The following SSH2 variants were observed in gnomAD, a reference collection of about 807,000 sequenced individuals.
SSH2 encodes the protein protein phosphatase Slingshot homolog 2.
SSH2 carries 37 observed loss-of-function variants against 135.2 expected under a neutral mutation model. The ratio of observed to expected loss-of-function variants is 0.27; its 90% CI spans 0.21 to 0.36. SSH2 has a LOEUF of 0.36. Among genes scored for constraint, SSH2 ranks in the 10% least tolerant of loss-of-function variants. The probability of loss-of-function intolerance (pLI) is 1.00; values close to 1 mark genes in which losing one functional copy is unlikely to be tolerated. For missense variants in SSH2, 1,408 were observed against 1,765.3 expected, an observed-to-expected ratio of 0.80 and a Z score of 3.63; for synonymous variants, 628 against 646.2, an observed-to-expected ratio of 0.97 and a Z score of 0.43.
At chr17:29,750,740 G>A (rs1473613404) in intron 3 of SSH2, among the ~76,000 whole-genome samples, 1 of 151,024 alleles carries the variant, frequency 6.6e-6, no homozygotes, top group Admixed American at 6.6e-5. Flanking sequence ...TTTTGGCCGG[G>A]TGTGGTGGCT....
intron 6 of SSH2, among the ~76,000 whole-genome samples, chr17:29,678,713 C>CTT (rs55889704): frequency 0.42 from 46,972 of 111,912 alleles, 12,014 homozygotes; most frequent in Non-Finnish European, 0.45. Context: ...AATACTATTT[C>CTT]TTTTTTTTTT....
chr17:29,739,950 T>G (rs867722387), intron 3 of SSH2, among the ~76,000 whole-genome samples: 1 of 152,212 alleles, frequency 6.6e-6, no homozygotes, highest in Admixed American at 6.5e-5. Flanking sequence ...CAGCTAGTGA[T>G]TTTTCTCTGA....
intron 7 of SSH2, 27 bp downstream of exon 7, chr17:29,677,645 TA>T (rs751710683): frequency 5.6e-6 from 9 of 1,604,750 alleles, no homozygotes; most frequent in Non-Finnish European, 5.1e-6. Flanking sequence ...TGGCTTTCTG[TA>T]ACAGAATAAA....
rs903052794 is a variant in SSH2 at position 29,911,282 on chromosome 17, G to A, written c.63+18656C>T. ...AAGTAAGCATGAGATGGAAGAAACT[G>A]TGCCCCTCAGACAGTCTCAGTTACA... is the stretch of plus-strand genomic sequence containing the variant. On this transcript the variant is annotated intron_variant, in intron 1 of 15. Transcript: ENST00000540801. Among the ~76,000 whole-genome samples the A allele has an allele frequency of 2.1e-4, 24 of 113,040 alleles. 1 individual carries two copies. The highest frequency in any genetic ancestry group is 2.8e-4 in the Non-Finnish European group (14 of 49,640). The allele number at this position is 113,040 out of a possible 152,430, so 74.2% of individuals were successfully genotyped here.
chr17:29,695,623 T>C, intron 4 of SSH2, 100 bp from the exon 5 acceptor site: 2 of 971,590 alleles, frequency 2.1e-6, no homozygotes, highest in Non-Finnish European at 3.1e-6. Context: ...AAAGTTCTGA[T>C]TCATTAAAGG....
At chr17:29,783,406 G>A (rs2041886675) in intron 3 of SSH2, among the ~76,000 whole-genome samples, 1 of 151,174 alleles carries the variant, frequency 6.6e-6, no homozygotes, top group African/African-American at 2.4e-5. Context: ...TCTGCAAGCT[G>A]AGGAGCAAGA....
intron 1 of SSH2, among the ~76,000 whole-genome samples, chr17:29,886,181 T>C (rs2066235136): frequency 6.6e-6 from 1 of 152,064 alleles, no homozygotes; most frequent in Non-Finnish European, 1.5e-5. Context: ...ATGGGAAAGT[T>C]TGTAACTTCC....
At chr17:29,882,703 G>A (rs2066161292) in intron 1 of SSH2, among the ~76,000 whole-genome samples, 1 of 152,096 alleles carries the variant, frequency 6.6e-6, no homozygotes, top group South Asian at 2.1e-4. Context: ...AGTGAGCTGA[G>A]ATCGCACCAC....
At chr17:29,768,916 C>G (rs890481796) in intron 3 of SSH2, among the ~76,000 whole-genome samples, 1 of 151,986 alleles carries the variant, frequency 6.6e-6, no homozygotes. Context: ...GTCAGGTGCT[C>G]TATTAAGAGT....
chr17:29,906,743 G>A (rs974546341), intron 1 of SSH2, among the ~76,000 whole-genome samples: 4 of 151,990 alleles, frequency 2.6e-5, no homozygotes, highest in African/African-American at 4.8e-5. Flanking sequence ...ACATACATGC[G>A]GCCAATAAAC....
At chr17:29,668,660 C>A (rs2037369768) in intron 9 of SSH2, among the ~76,000 whole-genome samples, 1 of 152,028 alleles carries the variant, frequency 6.6e-6, no homozygotes, top group Non-Finnish European at 1.5e-5. Context: ...CTGCTTGAGC[C>A]CCAGAGGTGG....
intron 1 of SSH2, among the ~76,000 whole-genome samples, chr17:29,913,350 A>AAAAAAAAAAAAAAAAAAT (rs2066813780): frequency 3.2e-5 from 1 of 30,876 alleles, no homozygotes; most frequent in Non-Finnish European, 6.3e-5. Context: ...AAAAAAAAAT[A>AAAAAAAAAAAAAAAAAAT]TATATATATA....
chr17:29,684,281 A>T (rs569037503), intron 6 of SSH2, among the ~76,000 whole-genome samples: 1 of 152,218 alleles, frequency 6.6e-6, no homozygotes, highest in Admixed American at 6.5e-5. Context: ...CAGGAGTTTG[A>T]AACTGGCCAA....
At position 29,631,089 on chromosome 17, in the gene SSH2, G is replaced by A. The variant is rs2035644473; in HGVS notation, c.4105C>T (p.Pro1369Ser). The part of the protein sequence containing the change: ...CIVQSKPVER[P>S]LVQYAKEFGS... ...AATTCTTTGGCATACTGCACAAGGG[G>A]CCTCTCCACTGGCTTGCTCTGCACA... Residue 1369 changes from proline (P) to serine (S), a missense_variant, in exon 16 of 16, where the codon CCC becomes TCC. By Grantham distance (74) the Pro-to-Ser change is moderately conservative (BLOSUM62 -1). Coordinates refer to ENST00000540801, the MANE Select transcript of SSH2 (RefSeq NM_001282129.2). The A allele has an allele frequency of 4.3e-6, 7 of 1,614,074 alleles. No individual in the cohort carries two copies. The highest frequency in any genetic ancestry group is 1.3e-5 in the African/African-American group (1 of 74,912).
intron 1 of SSH2, among the ~76,000 whole-genome samples, chr17:29,881,716 G>T (rs2066141156): frequency 6.6e-6 from 1 of 152,100 alleles, no homozygotes; most frequent in Non-Finnish European, 1.5e-5. Flanking sequence ...TGACCAGGCT[G>T]GTCTCAAACT....
At chr17:29,765,104 A>C (rs1450381563) in intron 3 of SSH2, among the ~76,000 whole-genome samples, 1 of 152,222 alleles carries the variant, frequency 6.6e-6, no homozygotes, top group Admixed American at 6.5e-5. Context: ...CTTCATCTAT[A>C]AAATGGGGTA....
chr17:29,638,555 CACACACAG>C lies in SSH2; in HGVS notation c.1428-1761_1428-1754del, dbSNP rs1444038814. On this transcript the variant is annotated intron_variant, in intron 14 of 15. Transcript: ENST00000540801. ...ACACACACACACACACACACACACACACACACAGAGACAGGGTATCACACTGCCACCAG... is the reference window on the plus strand; with the variant it reads ...ACACACACACACACACACACACACACAGACAGGGTATCACACTGCCACCAG... 1.1e-3 allele frequency among the ~76,000 whole-genome samples: 161 copies of C among 140,910 alleles called. 3 individuals carry two copies. Among genetic ancestry groups the C allele is most frequent in the African/African-American group, 4.1e-3 (146 of 35,324 alleles). 92.4% of individuals were successfully genotyped at this position (140,910 alleles called of 152,430 possible).
intron 3 of SSH2, among the ~76,000 whole-genome samples, chr17:29,764,437 T>C (rs144939403): frequency 2.6e-5 from 4 of 152,366 alleles, no homozygotes; most frequent in African/African-American, 4.8e-5. Context: ...TACTCTCCAC[T>C]GTCGGGAAAC....
intron 3 of SSH2, among the ~76,000 whole-genome samples, chr17:29,746,547 C>CAAAAAAAAAAAAAAA (rs57217896): frequency 1.5e-5 from 1 of 67,946 alleles, no homozygotes; most frequent in Non-Finnish European, 2.6e-5. Context: ...GACTCTGTCT[C>CAAAAAAAAAAAAAAA]AAAAAAAAAA....
Sources: gnomAD v4.1 joint callset for allele counts (sites outside exome capture counted in the v4.1 genomes callset) on GRCh38, gnomAD v4.1.1 for gene constraint, MANE v1.5 for transcripts, NCBI Gene and HGNC (gene_info 2026-07-23, HGNC 2026-07-21) for gene names.